The following DEGS2 variants were observed in gnomAD, a reference collection of about 807,000 sequenced individuals.
DEGS2 encodes the protein delta 4-desaturase, sphingolipid 2, also known as sphingolipid delta(4)-desaturase/C4-monooxygenase DES2.
In DEGS2, 19 loss-of-function variants were observed where a neutral mutation model predicts 23.8. The observed-to-expected ratio is 0.80, with a 90% CI of 0.56 to 1.17. The LOEUF is 1.17. DEGS2 is among the 50% of genes most tolerant of loss of function. The probability of loss-of-function intolerance (pLI) is 0.00; values close to 1 mark genes in which losing one functional copy is unlikely to be tolerated. For missense variants in DEGS2, 390 were observed against 459.5 expected (o/e 0.85, Z 1.38); for synonymous variants, 218 against 213.7 (o/e 1.02, Z -0.18).
chr14:100,153,486 G>A (rs1351802485), intron 1 of DEGS2, among the ~76,000 whole-genome samples: 2 of 152,196 alleles, frequency 1.3e-5, no homozygotes, highest in Admixed American at 6.5e-5. Flanking sequence ...AAGAGAGGGG[G>A]AAAGCCCAAG....
At chr14:100,166,340 TGCCCGGGGCTGTG>T in the DEGS2 span, among the ~76,000 whole-genome samples, 2 of 29,010 alleles carry the variant, frequency 6.9e-5, no homozygotes, top group African/African-American at 2.5e-4. Context: ...TGGGGGAGCC[TGCCCGGGGCTGTG>T]GGGGGAGCCT....
In DEGS2 at chr14:100,159,611, G is replaced by T; in HGVS notation, c.-24C>A. On this transcript the variant is annotated 5_prime_UTR_variant, in exon 1 of 3. Transcript: ENST00000305631. ...ATGGTGGGGCGGGAGGCGCCGTTCG[G>T]AGCGCGGCCGGCTCGGCTCTGCTGC... 6.8e-7 allele frequency: 1 copy of T among 1,474,630 alleles called. No individual in the cohort carries two copies. The highest frequency in any genetic ancestry group is 9.0e-7 in the Non-Finnish European group (1 of 1,113,134). 91.3% of individuals were successfully genotyped at this position (1,474,630 alleles called of 1,614,324 possible).
At position 100,149,178 on chromosome 14, in the gene DEGS2, C is replaced by T. The variant is rs1268359817; in HGVS notation, c.615G>A (p.Gly205=). The T allele has an allele frequency of 6.2e-7, 1 of 1,612,670 alleles. No individual in the cohort carries two copies. The highest frequency in any genetic ancestry group is 8.5e-7 in the Non-Finnish European group (1 of 1,179,920). Residue 205 remains glycine, a synonymous_variant, in exon 2 of 3, where the codon GGG becomes GGA. Transcript: ENST00000305631. ...AADLAIFALW[G]LKPVVYLLAS... is the part of the protein sequence containing the mutation. ...CCAGCAGGTAGACCACGGGCTTGAG[C>T]CCCCAAAGGGCAAAGATGGCCAGGT... is the stretch of plus-strand genomic sequence containing the variant.
chr14:100,159,829 G>A (rs1364274449), upstream of DEGS2: 1 of 299,708 alleles, frequency 3.3e-6, no homozygotes, highest in African/African-American at 2.2e-5. Flanking sequence ...GTTGGAAATG[G>A]GGCTCCCCGG....
At chr14:100,165,342 G>A in the DEGS2 span, among the ~76,000 whole-genome samples, 1 of 152,228 alleles carries the variant, frequency 6.6e-6, no homozygotes. Context: ...TCTTGCTCAC[G>A]TTTCCCTCTC....
chr14:100,158,974 A>G (rs1889703356), intron 1 of DEGS2, among the ~76,000 whole-genome samples: 1 of 152,214 alleles, frequency 6.6e-6, no homozygotes, highest in Admixed American at 6.5e-5. Context: ...GCTTTTTTCA[A>G]AGAAAACACG....
Position 100,152,686 on chromosome 14 carries a change from C to T in DEGS2, c.83-2976G>A, listed in dbSNP as rs138543804. 5.5e-3 allele frequency among the ~76,000 whole-genome samples: 838 copies of T among 152,270 alleles called. 8 individuals carry two copies. Among genetic ancestry groups the T allele is most frequent in the African/African-American group, 0.019 (792 of 41,548 alleles). ...AACTACACCAGCACCCTCCACCCTC[C>T]GCCTGCTTTCAGGCCTTCAATATCA... On this transcript the variant is annotated intron_variant, in intron 1 of 2. Coordinates refer to ENST00000305631, the MANE Select transcript of DEGS2 (RefSeq NM_206918.3).
rs115442241 is a variant in DEGS2 at position 100,146,721 on chromosome 14, C to T, written c.*40G>A. On this transcript the variant is annotated 3_prime_UTR_variant, in exon 3 of 3. Transcript: ENST00000305631. The stretch of plus-strand genomic sequence containing the variant: ...GTGCTGGGGTGCAAGGCTGAGGGGC[C>T]GATGGGGGACAATGGCCACCACCAG... 1.0e-3 allele frequency: 1,684 copies of T among 1,605,526 alleles called. 13 individuals are homozygous for T. The African/African-American group carries it at 0.019, about 18-fold the overall frequency.
intron 1 of DEGS2, among the ~76,000 whole-genome samples, chr14:100,158,669 G>A (rs1889698817): frequency 1.3e-5 from 2 of 152,034 alleles, no homozygotes; most frequent in East Asian, 1.9e-4. Flanking sequence ...GTGGCAACGC[G>A]CGGTGCTGAC....
chr14:100,146,668 G>A lies in DEGS2; in HGVS notation c.*93C>T, dbSNP rs1048614021. 1 of 1,528,838 alleles carries A rather than the reference G, an allele frequency of 6.5e-7. No homozygotes were observed. Among genetic ancestry groups the A allele is most frequent in the African/African-American group, 1.4e-5 (1 of 73,044 alleles). 94.7% of individuals were successfully genotyped at this position (1,528,838 alleles called of 1,614,324 possible). A position where few individuals can be genotyped will look rare whatever the true frequency, so the allele number is the denominator to read the frequency against. On this transcript the variant is annotated 3_prime_UTR_variant, in exon 3 of 3. Transcript: ENST00000305631. ...CCTCGGGGACAAGGGCAGCAGTCCA[G>A]AGCACAGGAAGGAAATGTAGCTTCT...
chr14:100,147,045 C>A (rs978092785), intron 2 of DEGS2, 138 bp from the exon 3 acceptor site: 14 of 951,282 alleles, frequency 1.5e-5, no homozygotes, highest in Non-Finnish European at 2.0e-5. Context: ...GCGCGCACAC[C>A]CACACACACA....
rs1566741184 is a variant in DEGS2, at chr14:100,149,630, T to TCTGCAC, written c.157_162dup (p.Val53_Gln54dup). 3.7e-6 allele frequency: 6 copies of TCTGCAC among 1,612,060 alleles called. No individual in the cohort carries two copies. Among genetic ancestry groups the TCTGCAC allele is most frequent in the Non-Finnish European group, 5.1e-6 (6 of 1,179,648 alleles). ...CCGCGCACCAGCCAGCAGGCCAGCA[T>TCTGCAC]CTGCACCAGCACCAGCACCAGCACC... is the stretch of plus-strand genomic sequence containing the variant. On this transcript the variant is annotated inframe_insertion, in exon 2 of 3. Coordinates refer to ENST00000305631, the MANE Select transcript of DEGS2 (RefSeq NM_206918.3).
Position 100,146,634 on chromosome 14 carries a change from CG to C in DEGS2, c.*126del. On this transcript the variant is annotated 3_prime_UTR_variant, in exon 3 of 3. Coordinates refer to ENST00000305631, the MANE Select transcript of DEGS2 (RefSeq NM_206918.3). ...ACTGCTGTTGCCAGGTGTGGCTGCGCGGGACACTCCTCGGGGACAAGGGCAG... is the reference window on the plus strand; with the variant it reads ...ACTGCTGTTGCCAGGTGTGGCTGCGCGGACACTCCTCGGGGACAAGGGCAG... 7.2e-7 allele frequency: 1 copy of C among 1,380,396 alleles called. No individual in the cohort carries two copies. Among genetic ancestry groups the C allele is most frequent in the Non-Finnish European group, 9.8e-7 (1 of 1,020,130 alleles). The allele number at this position is 1,380,396 out of a possible 1,614,324, so 85.5% of individuals were successfully genotyped here. A position where few individuals can be genotyped will look rare whatever the true frequency, so the allele number is the denominator to read the frequency against.
upstream of DEGS2, among the ~76,000 whole-genome samples, chr14:100,162,962 G>C (rs74085172): frequency 0.045 from 6,780 of 152,256 alleles, 456 homozygotes; most frequent in African/African-American, 0.14. Flanking sequence ...AGCCAGCAAG[G>C]AGTCAGACAG....
Position 100,150,172 on chromosome 14 carries a change from G to A in DEGS2, c.83-462C>T, listed in dbSNP as rs548409283. The stretch of plus-strand genomic sequence containing the variant: ...CTGTCAGGCAGGGCAAGGAGGACCT[G>A]CTGGCAGCTCCCACTCAGGAAGGCT... On this transcript the variant is annotated intron_variant, in intron 1 of 2. Transcript: ENST00000305631. Among the ~76,000 whole-genome samples the A allele has an allele frequency of 2.9e-3, 441 of 152,324 alleles. 3 individuals carry two copies. The highest frequency in any genetic ancestry group is 0.011 in the African/African-American group (438 of 41,576).
At chr14:100,152,668 C>A (rs1222281340) in intron 1 of DEGS2, among the ~76,000 whole-genome samples, 1 of 152,188 alleles carries the variant, frequency 6.6e-6, no homozygotes, top group Non-Finnish European at 1.5e-5. Context: ...AGGAACTACA[C>A]CAGCACCCTC....
At chr14:100,156,905 G>GC (rs1275508986) in intron 1 of DEGS2, among the ~76,000 whole-genome samples, 1 of 152,222 alleles carries the variant, frequency 6.6e-6, no homozygotes, top group East Asian at 1.9e-4. Context: ...TGGAAAGGAA[G>GC]CCCCTGCTTC....
chr14:100,150,613 C>T (rs1889554574), intron 1 of DEGS2, among the ~76,000 whole-genome samples: 1 of 152,126 alleles, frequency 6.6e-6, no homozygotes, highest in African/African-American at 2.4e-5. Context: ...AGCCTGGCAG[C>T]CCTGACCTTG....
chr14:100,165,864 T>C, the DEGS2 span, among the ~76,000 whole-genome samples: 1 of 123,080 alleles, frequency 8.1e-6, no homozygotes, highest in Non-Finnish European at 1.7e-5. Flanking sequence ...TGGGGGAGAC[T>C]GCATCAAAGA....
Sources: gnomAD v4.1 joint callset for allele counts (sites outside exome capture counted in the v4.1 genomes callset) on GRCh38, gnomAD v4.1.1 for gene constraint, MANE v1.5 for transcripts, NCBI Gene and HGNC (gene_info 2026-07-23, HGNC 2026-07-21) for gene names.